TNR: variants seen among roughly 807,000 people sequenced by gnomAD.
TNR encodes the protein tenascin-R.
Under a neutral mutation model 150.4 loss-of-function variants are expected in TNR, and 45 were observed. The observed-to-expected ratio is 0.30, with a 90% CI of 0.24 to 0.38. The LOEUF is 0.38. Ranked by LOEUF, TNR falls within the 10% of genes least tolerant of loss-of-function variation. TNR has a pLI of 1.00. For missense variants in TNR, 1,544 were observed against 1,759.1 expected (o/e 0.88, Z 2.19); for synonymous variants, 687 against 678.4 (o/e 1.01, Z -0.20).
chr1:175,419,586 A>G (rs188891422), intron 2 of TNR, among the ~76,000 whole-genome samples: 2 of 152,208 alleles, frequency 1.3e-5, no homozygotes, highest in Admixed American at 1.3e-4. Flanking sequence ...GGTTCAAGCA[A>G]TTCTCGTGCC....
chr1:175,377,519 G>A (rs1652465613), intron 9 of TNR, among the ~76,000 whole-genome samples: 2 of 146,588 alleles, frequency 1.4e-5, no homozygotes, highest in African/African-American at 2.5e-5. Context: ...AGCTCTCTGC[G>A]AGGCCCTATG....
At chr1:175,673,727 C>T (rs1665773063) in intron 1 of TNR, among the ~76,000 whole-genome samples, 1 of 152,224 alleles carries the variant, frequency 6.6e-6, no homozygotes, top group Admixed American at 6.5e-5. Context: ...TTTGCAAGGT[C>T]AGATTTTAAG....
At chr1:175,655,923 C>T (rs1665157951) in intron 1 of TNR, among the ~76,000 whole-genome samples, 2 of 152,214 alleles carry the variant, frequency 1.3e-5, no homozygotes, top group African/African-American at 2.4e-5. Flanking sequence ...TCTAGGTGGC[C>T]TTGTAGGGTT....
intron 1 of TNR, among the ~76,000 whole-genome samples, chr1:175,720,744 CT>C (rs145918815): frequency 0.012 from 1,888 of 152,340 alleles, 17 homozygotes; most frequent in Non-Finnish European, 0.021. Context: ...CAGAAGTTTC[CT>C]GCCCAGTGGA....
intron 2 of TNR, among the ~76,000 whole-genome samples, chr1:175,480,082 G>A (rs1657716152): frequency 6.6e-6 from 1 of 152,034 alleles, no homozygotes; most frequent in African/African-American, 2.4e-5. Flanking sequence ...CACTAATGAG[G>A]CCTTCCTCCC....
chr1:175,566,974 C>A (rs1020725663), intron 1 of TNR, among the ~76,000 whole-genome samples: 2 of 152,146 alleles, frequency 1.3e-5, no homozygotes, highest in African/African-American at 4.8e-5. Flanking sequence ...GTGCCATTAG[C>A]CCCCATGGCT....
intron 2 of TNR, among the ~76,000 whole-genome samples, chr1:175,507,094 T>A (rs1366128655): frequency 6.6e-6 from 1 of 152,152 alleles, no homozygotes; most frequent in Non-Finnish European, 1.5e-5. Context: ...TGCTCAGTGT[T>A]TGCAAAGCCC....
At chr1:175,324,543 G>C (rs369264358) in intron 21 of TNR, 24 bp from the exon 22 acceptor site, 226 of 1,609,918 alleles carry the variant, frequency 1.4e-4, no homozygotes, top group Non-Finnish European at 1.8e-4. Flanking sequence ...ACATTCATTA[G>C]GCTGTCCCAT....
At chr1:175,519,692 G>A (rs557158083) in intron 2 of TNR, among the ~76,000 whole-genome samples, 3 of 152,188 alleles carry the variant, frequency 2.0e-5, no homozygotes, top group African/African-American at 7.2e-5. Flanking sequence ...CTCTACAGGG[G>A]TGCCCTGCTT....
intron 1 of TNR, among the ~76,000 whole-genome samples, chr1:175,665,476 T>A (rs1288927612): frequency 6.6e-6 from 1 of 152,162 alleles, no homozygotes; most frequent in Non-Finnish European, 1.5e-5. Context: ...TCCACTCATA[T>A]CCTGGAGGGT....
chr1:175,692,273 C>T (rs1323983471), intron 1 of TNR, among the ~76,000 whole-genome samples: 1 of 87,316 alleles, frequency 1.1e-5, no homozygotes, highest in Non-Finnish European at 2.2e-5. Flanking sequence ...TGGGAAAAGA[C>T]CTGGCTCTGC....
intron 2 of TNR, among the ~76,000 whole-genome samples, chr1:175,414,196 G>A (rs1197954385): frequency 6.6e-6 from 1 of 151,918 alleles, no homozygotes; most frequent in Non-Finnish European, 1.5e-5. Flanking sequence ...AATTTCTTTT[G>A]CTCATAAGCC....
chr1:175,602,529 G>C (rs1383999965), intron 1 of TNR, among the ~76,000 whole-genome samples: 3 of 152,220 alleles, frequency 2.0e-5, no homozygotes, highest in Non-Finnish European at 4.4e-5. Flanking sequence ...GTAGCACATT[G>C]TTCTGATCCC....
intron 1 of TNR, among the ~76,000 whole-genome samples, chr1:175,722,666 C>G (rs754568592): frequency 6.6e-6 from 1 of 152,050 alleles, no homozygotes; most frequent in African/African-American, 2.4e-5. Context: ...GGTTTCACCA[C>G]GTTGCTCACA....
intron 5 of TNR, among the ~76,000 whole-genome samples, chr1:175,395,297 C>T (rs886377926): frequency 6.6e-6 from 1 of 152,162 alleles, no homozygotes; most frequent in African/African-American, 2.4e-5. Context: ...TCTACCTTGA[C>T]CTTTTCCTTT....
chr1:175,412,021 A>C (rs1188805450), intron 2 of TNR, among the ~76,000 whole-genome samples: 3 of 152,202 alleles, frequency 2.0e-5, no homozygotes, highest in East Asian at 1.9e-4. Context: ...ATGGGGCATC[A>C]GTCAATCAGA....
chr1:175,630,631 C>T (rs1664296985), intron 1 of TNR, among the ~76,000 whole-genome samples: 1 of 152,136 alleles, frequency 6.6e-6, no homozygotes, highest in Non-Finnish European at 1.5e-5. Flanking sequence ...AGGGTTTTGG[C>T]CTCTGTTTCA....
At chr1:175,330,565 AC>A (rs1649688328) in intron 20 of TNR, 1 of 212,376 alleles carries the variant, frequency 4.7e-6, no homozygotes, top group Non-Finnish European at 9.3e-6. Flanking sequence ...AAACCATGGT[AC>A]TAGAAGAAAA....
intron 1 of TNR, among the ~76,000 whole-genome samples, chr1:175,672,037 A>G (rs1325165924): frequency 4.6e-5 from 7 of 152,168 alleles, no homozygotes; most frequent in African/African-American, 9.7e-5. Flanking sequence ...CAGAACCCCA[A>G]TAAATATTTG....
Sources: gnomAD v4.1 joint callset for allele counts (sites outside exome capture counted in the v4.1 genomes callset) on GRCh38, gnomAD v4.1.1 for gene constraint, MANE v1.5 for transcripts, NCBI Gene and HGNC (gene_info 2026-07-23, HGNC 2026-07-21) for gene names.